The following LDB2 variants were observed in gnomAD, a reference collection of about 807,000 sequenced individuals.
The protein encoded by LDB2 is LIM domain-binding protein 2.
A neutral mutation model predicts 44.3 loss-of-function variants in LDB2; 12 were observed. The ratio of observed to expected loss-of-function variants is 0.27; its 90% CI spans 0.17 to 0.44. The LOEUF (loss-of-function observed/expected upper bound fraction) is 0.44. Among genes scored for constraint, LDB2 ranks in the 20% least tolerant of loss-of-function variants. LDB2 has a pLI of 1.00. For missense variants in LDB2, 344 were observed against 473.5 expected (o/e 0.73, Z 2.54); for synonymous variants, 164 against 174.8 (o/e 0.94, Z 0.49).
chr4:16,623,593 T>C (rs986508675), intron 2 of LDB2, among the ~76,000 whole-genome samples: 1 of 138,212 alleles, frequency 7.2e-6, no homozygotes, highest in Non-Finnish European at 1.6e-5. Context: ...CAAGACTCTG[T>C]CTCAAAAATA....
chr4:16,740,649 T>A (rs1039112659), intron 2 of LDB2, among the ~76,000 whole-genome samples: 1 of 152,238 alleles, frequency 6.6e-6, no homozygotes, highest in Admixed American at 6.5e-5. Flanking sequence ...CACTTATGCT[T>A]CTCTCTTCCA....
At chr4:16,648,817 C>T (rs892755706) in intron 2 of LDB2, among the ~76,000 whole-genome samples, 3 of 152,032 alleles carry the variant, frequency 2.0e-5, no homozygotes, top group African/African-American at 7.2e-5. Context: ...ATGGCTAGAG[C>T]AATTTCATTT....
At chr4:16,650,848 CT>C (rs1042275220) in intron 2 of LDB2, among the ~76,000 whole-genome samples, 3 of 152,214 alleles carry the variant, frequency 2.0e-5, no homozygotes, top group African/African-American at 7.2e-5. Flanking sequence ...GGTCACTCTC[CT>C]TTCTCCTAAG....
intron 2 of LDB2, among the ~76,000 whole-genome samples, chr4:16,620,432 A>G (rs896681377): frequency 6.6e-6 from 1 of 152,240 alleles, no homozygotes; most frequent in Non-Finnish European, 1.5e-5. Flanking sequence ...TAAGACAAAC[A>G]TGAAGAACCC....
At chr4:16,723,797 C>T (rs184935716) in intron 2 of LDB2, among the ~76,000 whole-genome samples, 1 of 152,138 alleles carries the variant, frequency 6.6e-6, no homozygotes, top group African/African-American at 2.4e-5. Flanking sequence ...GCTTTAGATC[C>T]CTGCTAAAAT....
intron 1 of LDB2, among the ~76,000 whole-genome samples, chr4:16,848,717 C>A (rs1157718281): frequency 2.6e-5 from 4 of 152,216 alleles, no homozygotes; most frequent in Non-Finnish European, 5.9e-5. Flanking sequence ...TATCCACATA[C>A]TTGCTGAAGA....
At chr4:16,715,916 C>T (rs1756988761) in intron 2 of LDB2, among the ~76,000 whole-genome samples, 1 of 152,106 alleles carries the variant, frequency 6.6e-6, no homozygotes, top group African/African-American at 2.4e-5. Flanking sequence ...ATCCTTAGTT[C>T]ACTTAAGGCA....
chr4:16,563,819 C>G (rs1186963553), intron 5 of LDB2, among the ~76,000 whole-genome samples: 1 of 152,064 alleles, frequency 6.6e-6, no homozygotes, highest in Non-Finnish European at 1.5e-5. Context: ...CATGGCGGAC[C>G]TGATCATGGA....
intron 5 of LDB2, among the ~76,000 whole-genome samples, chr4:16,523,374 G>A (rs1577361714): frequency 6.6e-6 from 1 of 152,074 alleles, no homozygotes; most frequent in Non-Finnish European, 1.5e-5. Flanking sequence ...GTAGATCTTA[G>A]TCACTTCAGG....
At position 16,873,970 on chromosome 4, in the gene LDB2, G is replaced by A. The variant is rs140696786; in HGVS notation, c.132+24384C>T. ...CATAATGTTTTTGAGGCTCGTCCAC[G>A]CTGTAGCAATGGATCCAAATTTCAT... On this transcript the variant is annotated intron_variant, in intron 1 of 7. Coordinates refer to ENST00000304523, the MANE Select transcript of LDB2 (RefSeq NM_001290.5). 3.9e-5 allele frequency among the ~76,000 whole-genome samples: 6 copies of A among 152,214 alleles called. No individual in the cohort carries two copies. The East Asian group carries it at 7.7e-4, about 20-fold the overall frequency.
At chr4:16,890,473 G>A (rs900220146) in intron 1 of LDB2, among the ~76,000 whole-genome samples, 10 of 152,154 alleles carry the variant, frequency 6.6e-5, no homozygotes, top group Non-Finnish European at 1.5e-5. Context: ...AATCCTTAAC[G>A]CTAAGCCTCC....
intron 2 of LDB2, among the ~76,000 whole-genome samples, chr4:16,739,062 T>A (rs1762433261): frequency 6.6e-6 from 1 of 152,118 alleles, no homozygotes. Context: ...GAAGGCTTTT[T>A]CCAATTCTTC....
At chr4:16,591,630 C>T (rs1303848241) in intron 3 of LDB2, among the ~76,000 whole-genome samples, 1 of 152,166 alleles carries the variant, frequency 6.6e-6, no homozygotes, top group Non-Finnish European at 1.5e-5. Flanking sequence ...TAGACAGCCA[C>T]TCCACACCCT....
intron 1 of LDB2, among the ~76,000 whole-genome samples, chr4:16,866,693 C>A (rs184581121): frequency 3.2e-4 from 48 of 152,298 alleles, no homozygotes; most frequent in African/African-American, 1.0e-3. Flanking sequence ...GGAAAAAAAT[C>A]TGACATATTC....
intron 1 of LDB2, among the ~76,000 whole-genome samples, chr4:16,854,956 T>C (rs954986210): frequency 2.6e-5 from 4 of 151,930 alleles, no homozygotes; most frequent in Non-Finnish European, 5.9e-5. Context: ...AGATCATTTA[T>C]ATATAAATAT....
chr4:16,651,518 C>T (rs1738257819), intron 2 of LDB2, among the ~76,000 whole-genome samples: 1 of 152,028 alleles, frequency 6.6e-6, no homozygotes, highest in African/African-American at 2.4e-5. Flanking sequence ...GGAGTTAACA[C>T]AGGAACGGCT....
intron 1 of LDB2, among the ~76,000 whole-genome samples, chr4:16,806,354 G>T (rs976053274): frequency 5.3e-5 from 8 of 152,244 alleles, no homozygotes; most frequent in Admixed American, 3.3e-4. Flanking sequence ...TGAAGAGTGG[G>T]GTGTATCTTT....
At chr4:16,610,732 C>T (rs977389677) in intron 2 of LDB2, among the ~76,000 whole-genome samples, 24 of 151,788 alleles carry the variant, frequency 1.6e-4, no homozygotes, top group African/African-American at 4.6e-4. Flanking sequence ...ACCGAACCTA[C>T]GATTGACTGG....
At chr4:16,651,513 T>G (rs1388106965) in intron 2 of LDB2, among the ~76,000 whole-genome samples, 1 of 152,100 alleles carries the variant, frequency 6.6e-6, no homozygotes, top group African/African-American at 2.4e-5. Context: ...TGTCTGGAGT[T>G]AACACAGGAA....
Sources: gnomAD v4.1 joint callset for allele counts (sites outside exome capture counted in the v4.1 genomes callset) on GRCh38, gnomAD v4.1.1 for gene constraint, MANE v1.5 for transcripts, NCBI Gene and HGNC (gene_info 2026-07-23, HGNC 2026-07-21) for gene names.